HEG1: variants seen among roughly 807,000 people sequenced by gnomAD.
HEG1 encodes heart development protein with EGF like domains 1.
A neutral mutation model predicts 125.6 loss-of-function variants in HEG1; 56 were observed. That is an observed-to-expected ratio of 0.45 (90% CI 0.36 to 0.56). The LOEUF (loss-of-function observed/expected upper bound fraction) is 0.56, where lower values mean the gene tolerates loss of function less well. HEG1 is among the 20% of genes least tolerant of loss of function. The probability of loss-of-function intolerance (pLI) is 0.00; values close to 1 mark genes in which losing one functional copy is unlikely to be tolerated. For missense variants in HEG1, 1,523 were observed against 1,670.0 expected, an observed-to-expected ratio of 0.91 and a Z score of 1.53; for synonymous variants, 644 against 668.5, an observed-to-expected ratio of 0.96 and a Z score of 0.57.
intron 3 of HEG1, among the ~76,000 whole-genome samples, chr3:125,024,789 TG>T (rs1165490390): frequency 6.6e-6 from 1 of 152,230 alleles, no homozygotes; most frequent in Non-Finnish European, 1.5e-5. Flanking sequence ...TGAATACACG[TG>T]GAATCATAGA....
In HEG1 at chr3:125,014,781, A is replaced by G. The variant is rs533082948; in HGVS notation, c.1589-791T>C. The stretch of plus-strand genomic sequence containing the variant: ...CATGTCGTCCGTCACGTTTACGTGC[A>G]GAGAGGCACCCTCTGTTTCTTGGTG... On this transcript the variant is annotated intron_variant, in intron 5 of 16. Transcript: ENST00000311127. The G allele has an allele frequency of 1.5e-4, 192 of 1,289,790 alleles. No individual in the cohort carries two copies. In the Middle Eastern group the frequency reaches 1.9e-3, roughly 13 times the overall value. The allele number at this position is 1,289,790 out of a possible 1,614,324, so 79.9% of individuals were successfully genotyped here.
chr3:125,028,355 C>T (rs1341167807), intron 2 of HEG1, among the ~76,000 whole-genome samples: 1 of 152,228 alleles, frequency 6.6e-6, no homozygotes, highest in Non-Finnish European at 1.5e-5. Flanking sequence ...TCCCTAACCC[C>T]GTTCACGCAA....
chr3:125,013,998 C>A lies in HEG1; in HGVS notation c.1589-8G>T, dbSNP rs6438871. On this transcript the variant is annotated splice_polypyrimidine_tract_variant and splice_region_variant and intron_variant, in intron 5 of 16. Coordinates refer to ENST00000311127, the MANE Select transcript of HEG1 (RefSeq NM_020733.2). ...CGTAGCTAATCCCAGCGACTGTAAA[C>A]GGAAAAGCCAAAGTTAGGTCAAATA... 0.63 allele frequency: 1,001,712 copies of A among 1,581,166 alleles called. 321,574 individuals are homozygous for A. The highest frequency in any genetic ancestry group is 0.9 in the East Asian group (40,225 of 44,488).
At chr3:125,016,478 A>G (rs1269364808) in intron 5 of HEG1, among the ~76,000 whole-genome samples, 1 of 152,228 alleles carries the variant, frequency 6.6e-6, no homozygotes, top group African/African-American at 2.4e-5. Context: ...GATGTAAAAG[A>G]GAAAGGCTAT....
intron 8 of HEG1, among the ~76,000 whole-genome samples, chr3:125,008,124 G>A (rs1937098881): frequency 6.6e-6 from 1 of 152,078 alleles, no homozygotes. Context: ...GGACCAGGCT[G>A]GTCTTGAATT....
At chr3:125,044,165 C>G (rs1046294872) in intron 1 of HEG1, among the ~76,000 whole-genome samples, 1 of 152,206 alleles carries the variant, frequency 6.6e-6, no homozygotes, top group Non-Finnish European at 1.5e-5. Context: ...TGGGAGGGAG[C>G]TCCAGGGCCT....
chr3:124,991,062 C>T, intron 12 of HEG1, 76 bp from the exon 13 acceptor site: 2 of 1,111,104 alleles, frequency 1.8e-6, no homozygotes, highest in Non-Finnish European at 2.6e-6. Flanking sequence ...ACGCCAGCCA[C>T]CCTAAAGTCC....
Position 124,990,932 on chromosome 3 carries a change from C to G in HEG1, c.3695+12G>C. 1 of 1,557,380 alleles carries G rather than the reference C, an allele frequency of 6.4e-7. No individual in the cohort carries two copies. The highest frequency in any genetic ancestry group is 8.7e-7 in the Non-Finnish European group (1 of 1,149,182). ...TTGTAACAAAATTAGACTAAATCAACATGGAGCCTACCTCATGCAGGTTTC... is the reference window on the plus strand; with the variant it reads ...TTGTAACAAAATTAGACTAAATCAAGATGGAGCCTACCTCATGCAGGTTTC... On this transcript the variant is annotated intron_variant, in intron 13 of 16. Transcript: ENST00000311127.
chr3:124,996,461 T>TTGTAGCAA (rs1451211928), intron 12 of HEG1, among the ~76,000 whole-genome samples: 1 of 152,126 alleles, frequency 6.6e-6, no homozygotes, highest in East Asian at 1.9e-4. Flanking sequence ...CATCATCTCT[T>TTGTAGCAA]TGTAGCAATG....
At position 125,021,140 on chromosome 3, in the gene HEG1, A is replaced by G. The variant is rs763012990; in HGVS notation, c.914-10T>C. ...TCTGTACTTTCAGAAGCTACAATGG[A>G]AAAAGATATGCTTCAAAATTACTCA... is the stretch of plus-strand genomic sequence containing the variant. On this transcript the variant is annotated splice_polypyrimidine_tract_variant and intron_variant, in intron 3 of 16. Coordinates refer to ENST00000311127, the MANE Select transcript of HEG1 (RefSeq NM_020733.2). The G allele has an allele frequency of 3.3e-6, 5 of 1,531,594 alleles. No homozygotes were observed. In the African/African-American group the frequency reaches 4.1e-5, roughly 13 times the overall value. The allele number at this position is 1,531,594 out of a possible 1,614,324, so 94.9% of individuals were successfully genotyped here. A position where few individuals can be genotyped will look rare whatever the true frequency, so the allele number is the denominator to read the frequency against.
At chr3:125,020,582 G>A (rs966390927) in intron 4 of HEG1, among the ~76,000 whole-genome samples, 2 of 152,100 alleles carry the variant, frequency 1.3e-5, no homozygotes, top group African/African-American at 4.8e-5. Flanking sequence ...ACTCAGAGCC[G>A]TAGTTTTCTC....
rs541928047 is a variant in HEG1, at chr3:125,011,167, T to C, written c.2957-612A>G. Among the ~76,000 whole-genome samples, 63 of 151,690 alleles carry C rather than the reference T, an allele frequency of 4.2e-4. 1 individual carries two copies. In the South Asian group the frequency reaches 0.011, roughly 27 times the overall value. ...TGACATACTTAGAGAAGCCGAAGCC[T>C]ACAACATAACTGCATTGTCTGCAAA... is the stretch of plus-strand genomic sequence containing the variant. On this transcript the variant is annotated intron_variant, in intron 6 of 16. Coordinates refer to ENST00000311127, the MANE Select transcript of HEG1 (RefSeq NM_020733.2).
At position 124,973,731 on chromosome 3, in the gene HEG1, C is replaced by T. The variant is rs760503545; in HGVS notation, c.3996G>A (p.Ser1332=). 6 of 1,607,078 alleles carry T rather than the reference C, an allele frequency of 3.7e-6. No homozygotes were observed. The Admixed American group carries it at 8.5e-5, about 23-fold the overall frequency. The part of the protein sequence containing the change: ...NLLQMTDVYY[S]PTSVRNPELE... Reference sequence around the variant, plus strand: ...GTCATCCTGACACAGGAATACACACCGAGTAGTACACATCCGTCATCTGGA... The same window carrying T: ...GTCATCCTGACACAGGAATACACACTGAGTAGTACACATCCGTCATCTGGA... Residue 1332 remains serine (S), a splice_region_variant and synonymous_variant, in exon 16 of 17, where the codon TCG becomes TCA. Coordinates refer to ENST00000311127, the MANE Select transcript of HEG1 (RefSeq NM_020733.2).
At position 125,052,290 on chromosome 3, in the gene HEG1, G is replaced by A. The variant is rs1560038303; in HGVS notation, c.316+3285C>T. On this transcript the variant is annotated intron_variant, in intron 1 of 16. Coordinates refer to ENST00000311127, the MANE Select transcript of HEG1 (RefSeq NM_020733.2). ...CTCCCTGAGGGGCTGTCTCTTGCCC[G>A]CTGCACCTTGTAATGGTTCTCCCAG... 4.6e-5 allele frequency among the ~76,000 whole-genome samples: 7 copies of A among 152,158 alleles called. No homozygotes were observed. The South Asian group carries it at 1.0e-3, about 23-fold the overall frequency.
chr3:125,000,893 A>G (rs73203531), intron 11 of HEG1, among the ~76,000 whole-genome samples: 4,241 of 152,338 alleles, frequency 0.028, 107 homozygotes, highest in Non-Finnish European at 0.044. Flanking sequence ...GTGTAGTAAA[A>G]TGAGCTAACT....
At chr3:125,036,477 T>C (rs538138039) in intron 1 of HEG1, among the ~76,000 whole-genome samples, 1 of 152,188 alleles carries the variant, frequency 6.6e-6, no homozygotes, top group Non-Finnish European at 1.5e-5. Context: ...TACAGTCTTA[T>C]ACAATCTATT....
chr3:125,047,999 A>C (rs1216514561), intron 1 of HEG1, among the ~76,000 whole-genome samples: 1 of 152,122 alleles, frequency 6.6e-6, no homozygotes, highest in Admixed American at 6.5e-5. Context: ...TGCCTTCAGC[A>C]CCTTCTCTGC....
intron 11 of HEG1, among the ~76,000 whole-genome samples, chr3:124,998,503 G>C (rs377239336): frequency 2.0e-5 from 3 of 152,124 alleles, no homozygotes; most frequent in Non-Finnish European, 2.9e-5. Flanking sequence ...TTCATCTCTG[G>C]GTCTTCAGTG....
intron 9 of HEG1, among the ~76,000 whole-genome samples, chr3:125,002,671 C>T (rs1393463503): frequency 1.3e-5 from 2 of 152,174 alleles, no homozygotes; most frequent in East Asian, 3.8e-4. Flanking sequence ...GCATAGTGAA[C>T]GAGCTGCACT....
Sources: gnomAD v4.1 joint callset for allele counts (sites outside exome capture counted in the v4.1 genomes callset) on GRCh38, gnomAD v4.1.1 for gene constraint, MANE v1.5 for transcripts, NCBI Gene and HGNC (gene_info 2026-07-23, HGNC 2026-07-21) for gene names.